PEAK3: variants seen among roughly 807,000 people sequenced by gnomAD.
PEAK3 encodes the protein PEAK family member 3.
PEAK3 carries 15 observed loss-of-function variants against 13.3 expected under a neutral mutation model. The observed-to-expected ratio is 1.13, with a 90% CI of 0.75 to 1.73. The LOEUF is 1.73. Ranked by LOEUF, PEAK3 falls within the 40% of genes most tolerant of loss-of-function variation. PEAK3 has a pLI of 0.00. For missense variants in PEAK3, 739 were observed against 690.2 expected (o/e 1.07, Z -0.79); for synonymous variants, 347 against 341.9 (o/e 1.01, Z -0.17).
chr19:2,280,769 C>G (rs1281134218), intron 2 of PEAK3, 81 bp downstream of exon 2: 2 of 1,008,756 alleles, frequency 2.0e-6, no homozygotes, highest in Admixed American at 3.0e-5. Flanking sequence ...CTGCCGCTCC[C>G]TGCACCCACC....
Position 2,279,040 on chromosome 19 carries a change from T to C in PEAK3, c.156A>G (p.Pro52=). The C allele has an allele frequency of 6.6e-7, 1 of 1,507,534 alleles. No individual in the cohort carries two copies. Among genetic ancestry groups the C allele is most frequent in the African/African-American group, 1.4e-5 (1 of 71,908 alleles). The allele number at this position is 1,507,534 out of a possible 1,614,324, so 93.4% of individuals were successfully genotyped here. The change falls in exon 3 of 4, where the codon CCA becomes CCG. Residue 52 remains proline (P), a synonymous_variant. Coordinates refer to ENST00000342063, the MANE Select transcript of PEAK3 (RefSeq NM_198532.3). ...LRTPGSLSTN[P]EPLPPPLPKK... ...TGGGCAGGGGTGGGGGCAGGGGCTC[T>C]GGGTTGGTGGAGAGGGACCCAGGGG...
At position 2,278,985 on chromosome 19, in the gene PEAK3, G is replaced by T. The variant is rs1263554936; in HGVS notation, c.211C>A (p.Pro71Thr). The change falls in exon 3 of 4, where the codon CCC becomes ACC. Residue 71 changes from proline (P) to threonine (T), a missense_variant. Transcript: ENST00000342063. ...CTGGGATGGAGGGTCCTGCGGGTGG[G>T]CAGTGACTGGGTCCGGGTTAGGATC... Reference protein sequence around the residue: ...KKILTRTQSLPTRRTLHPSSI... With the variant: ...KKILTRTQSLTTRRTLHPSSI... 6.3e-7 allele frequency: 1 copy of T among 1,591,666 alleles called. No homozygotes were observed. Among genetic ancestry groups the T allele is most frequent in the East Asian group, 2.3e-5 (1 of 44,210 alleles).
chr19:2,280,811 G>C, intron 2 of PEAK3, 39 bp downstream of exon 2: 1 of 1,537,356 alleles, frequency 6.5e-7, no homozygotes, highest in Non-Finnish European at 8.9e-7. Flanking sequence ...GCCGCTCCCT[G>C]CACCCCCGCA....
At chr19:2,277,051 C>T (rs992761862) in intron 3 of PEAK3, among the ~76,000 whole-genome samples, 49 of 152,098 alleles carry the variant, frequency 3.2e-4, no homozygotes, top group African/African-American at 1.2e-3. Context: ...AAGCAGATCC[C>T]CGGCCAGAGA....
intron 3 of PEAK3, among the ~76,000 whole-genome samples, chr19:2,276,820 C>T (rs2025394922): frequency 6.6e-6 from 1 of 152,232 alleles, no homozygotes; most frequent in Admixed American, 6.5e-5. Flanking sequence ...TCGAGACCAG[C>T]CTGGCCAACG....
chr19:2,280,720 C>G (rs1386355910), intron 2 of PEAK3, 130 bp downstream of exon 2: 1 of 702,820 alleles, frequency 1.4e-6, no homozygotes, highest in Non-Finnish European at 2.4e-6. Flanking sequence ...ATTTTACCAG[C>G]TGCTGCTGTT....
chr19:2,275,737 G>A lies in PEAK3; in HGVS notation c.1365C>T (p.Tyr455=). Reference sequence around the variant, plus strand: ...TCGAGGACTCGGTGGCCTCGGCCAGGTATTCGCAACACAGCCAGTCCTCGA... The same window carrying A: ...TCGAGGACTCGGTGGCCTCGGCCAGATATTCGCAACACAGCCAGTCCTCGA... ...PSLEDWLCCE[Y]LAEATESSMG... The change falls in exon 4 of 4, where the codon TAC becomes TAT. Residue 455 remains tyrosine (Y), a synonymous_variant. Coordinates refer to ENST00000342063, the MANE Select transcript of PEAK3 (RefSeq NM_198532.3). 6.4e-7 allele frequency: 1 copy of A among 1,569,146 alleles called. No individual in the cohort carries two copies. The highest frequency in any genetic ancestry group is 8.6e-7 in the Non-Finnish European group (1 of 1,159,722).
At position 2,276,235 on chromosome 19, in the gene PEAK3, G is replaced by A. The variant is rs1316936654; in HGVS notation, c.867C>T (p.Ser289=). Residue 289 remains serine (S), a synonymous_variant, in exon 4 of 4, where the codon AGC becomes AGT. Coordinates refer to ENST00000342063, the MANE Select transcript of PEAK3 (RefSeq NM_198532.3). ...ACGCCTCCAGGAACTTCAGGGCCGC[G>A]CTCAGCTGCAGCAGCAGCAGGGCCA... The part of the protein sequence containing the change: ...WAVALLLLQL[S]AALKFLEAWG... 2.5e-6 allele frequency: 4 copies of A among 1,583,446 alleles called. No homozygotes were observed. Among genetic ancestry groups the A allele is most frequent in the East Asian group, 4.7e-5 (2 of 42,810 alleles).
intron 2 of PEAK3, among the ~76,000 whole-genome samples, chr19:2,279,558 A>G (rs916559619): frequency 2.0e-5 from 3 of 151,536 alleles, no homozygotes; most frequent in Admixed American, 2.0e-4. Flanking sequence ...CGGGAGGCTG[A>G]GGCAGGAAAA....
Position 2,280,863 on chromosome 19 carries a change from C to T in PEAK3, c.69G>A (p.Thr23=), listed in dbSNP as rs781519940. 8 of 1,607,180 alleles carry T rather than the reference C, an allele frequency of 5.0e-6. No homozygotes were observed. The highest frequency in any genetic ancestry group is 2.2e-5 in the South Asian group (2 of 90,626). ...PDNPTWSTQP[T]YSNLGQIRAH... is the part of the protein sequence containing the mutation. ...GGAGCTGCTTACCAAGGTTGCTATACGTGGGCTGAGTCGACCAGGTGGGGT... is the reference window on the plus strand; with the variant it reads ...GGAGCTGCTTACCAAGGTTGCTATATGTGGGCTGAGTCGACCAGGTGGGGT... The change falls in exon 2 of 4, where the codon ACG becomes ACA. Residue 23 remains threonine (T), a synonymous_variant. Coordinates refer to ENST00000342063, the MANE Select transcript of PEAK3 (RefSeq NM_198532.3).
At position 2,275,998 on chromosome 19, in the gene PEAK3, C is replaced by T. The variant is rs550157929; in HGVS notation, c.1104G>A (p.Thr368=). The T allele has an allele frequency of 3.9e-4, 554 of 1,414,044 alleles. 7 individuals are homozygous for T. In the South Asian group the frequency reaches 7.0e-3, roughly 18 times the overall value. 87.6% of individuals were successfully genotyped at this position (1,414,044 alleles called of 1,614,324 possible). The change falls in exon 4 of 4, where the codon ACG becomes ACA. Residue 368 remains threonine (T), a synonymous_variant. Coordinates refer to ENST00000342063, the MANE Select transcript of PEAK3 (RefSeq NM_198532.3). ...ALLSLAAPST[T]PLAAGLELLA... is the part of the protein sequence containing the mutation. Reference sequence around the variant, plus strand: ...GGAGCTCCAGGCCCGCGGCCAAAGGCGTGGTCGAGGGCGCAGCAAGGCTGA... The same window carrying T: ...GGAGCTCCAGGCCCGCGGCCAAAGGTGTGGTCGAGGGCGCAGCAAGGCTGA...
In PEAK3 at chr19:2,280,916, G is replaced by T. The variant is rs2025433560; in HGVS notation, c.16C>A (p.Pro6Thr). MSSPEPPTEPPEPDNP... is the reference protein window; with the variant it reads MSSPETPTEPPEPDNP... ...TCGGGCTCGGGGGGCTCTGTGGGGG[G>T]CTCCGGGCTGCTCATGTTGCTGGGG... The change falls in exon 2 of 4, where the codon CCC becomes ACC. Residue 6 changes from proline to threonine, a missense_variant. Transcript: ENST00000342063. The T allele has an allele frequency of 3.2e-6, 5 of 1,566,274 alleles. No individual in the cohort carries two copies. Among genetic ancestry groups the T allele is most frequent in the Non-Finnish European group, 3.5e-6 (4 of 1,156,850 alleles).
chr19:2,275,658 G>A lies in PEAK3; in HGVS notation c.*22C>T, dbSNP rs561440937. 1.1e-5 allele frequency: 15 copies of A among 1,426,322 alleles called. No individual in the cohort carries two copies. The Admixed American group carries it at 3.3e-4, about 32-fold the overall frequency. The allele number at this position is 1,426,322 out of a possible 1,614,324, so 88.4% of individuals were successfully genotyped here. A position where few individuals can be genotyped will look rare whatever the true frequency, so the allele number is the denominator to read the frequency against. On this transcript the variant is annotated 3_prime_UTR_variant, in exon 4 of 4. Transcript: ENST00000342063. ...TGCCTCCTGGGCAGGCCTGGACCAGGTGTGTTCGCCCTGGGTTGGGGTCAG... is the reference window on the plus strand; with the variant it reads ...TGCCTCCTGGGCAGGCCTGGACCAGATGTGTTCGCCCTGGGTTGGGGTCAG...
At position 2,277,928 on chromosome 19, in the gene PEAK3, T is replaced by A. The variant is rs1237578001; in HGVS notation, c.612+656A>T. On this transcript the variant is annotated intron_variant, in intron 3 of 3. Transcript: ENST00000342063. ...GCCCAGGCTGGAGCGCAGTGGTGCGTTCTCGGCTCACCGCAAGCTCTGCCC... is the reference window on the plus strand; with the variant it reads ...GCCCAGGCTGGAGCGCAGTGGTGCGATCTCGGCTCACCGCAAGCTCTGCCC... Among the ~76,000 whole-genome samples, 6 of 149,780 alleles carry A rather than the reference T, an allele frequency of 4.0e-5. No individual in the cohort carries two copies. The South Asian group carries it at 1.3e-3, about 32-fold the overall frequency.
chr19:2,278,851 G>A lies in PEAK3; in HGVS notation c.345C>T (p.Gly115=), dbSNP rs145265993. The part of the protein sequence containing the change: ...PACLPAELTF[G]PADAPLGLSL... ...AGAGGCCCAGTGGGGCGTCAGCCGG[G>A]CCAAAGGTCAGCTCTGCAGGGAGAC... The change falls in exon 3 of 4, where the codon GGC becomes GGT. Residue 115 remains glycine (G), a synonymous_variant. Coordinates refer to ENST00000342063, the MANE Select transcript of PEAK3 (RefSeq NM_198532.3). The A allele has an allele frequency of 1.7e-5, 27 of 1,597,480 alleles. No individual in the cohort carries two copies. The African/African-American group carries it at 2.4e-4, about 14-fold the overall frequency.
intron 3 of PEAK3, among the ~76,000 whole-genome samples, chr19:2,277,542 C>A (rs1465590164): frequency 6.6e-6 from 1 of 151,990 alleles, no homozygotes; most frequent in Non-Finnish European, 1.5e-5. Flanking sequence ...TTTTTCTTTT[C>A]TTTTCTTTTT....
intron 3 of PEAK3, among the ~76,000 whole-genome samples, 176 bp downstream of exon 3, chr19:2,278,408 G>A (rs1401381976): frequency 1.4e-5 from 2 of 141,578 alleles, no homozygotes; most frequent in South Asian, 4.3e-4. Flanking sequence ...TGATCCGCCC[G>A]CCTTGGCCTC....
Position 2,276,489 on chromosome 19 carries a change from C to A in PEAK3, c.613G>T (p.Val205Leu). The change falls in exon 4 of 4, where the codon GTG (valine) becomes TTG (leucine). Residue 205 changes from valine to leucine, a missense_variant and splice_region_variant. Coordinates refer to ENST00000342063, the MANE Select transcript of PEAK3 (RefSeq NM_198532.3). The part of the protein sequence containing the change: ...EDAWHILVAK[V>L]PKPGADVPHP... ...GGCACGTCCGCCCCGGGCTTGGGCA[C>A]CTGCAAGGCAGAGGGGGTGTCGGGG... is the stretch of plus-strand genomic sequence containing the variant. The A allele has an allele frequency of 6.6e-7, 1 of 1,522,284 alleles. No individual in the cohort carries two copies. Among genetic ancestry groups the A allele is most frequent in the South Asian group, 1.2e-5 (1 of 80,210 alleles). 94.3% of individuals were successfully genotyped at this position (1,522,284 alleles called of 1,614,324 possible). A position where few individuals can be genotyped will look rare whatever the true frequency, so the allele number is the denominator to read the frequency against.
rs1429272344 is a variant in PEAK3 at position 2,278,805 on chromosome 19, GGCTGTGCA to G, written c.383_390del (p.Leu128ProfsTer109). On this transcript the variant is annotated frameshift_variant, in exon 3 of 4. Transcript: ENST00000342063. LOFTEE classifies it high-confidence loss of function. ...GCCAGTGCAGTGTGCACAGCCTCCG[GGCTGTGCA>G]GATCGCGGAGGGAGAGGCCCAGTGG... 7 of 1,591,682 alleles carry G rather than the reference GGCTGTGCA, an allele frequency of 4.4e-6. No individual in the cohort carries two copies. In the African/African-American group the frequency reaches 9.4e-5, roughly 21 times the overall value.
Sources: gnomAD v4.1 joint callset for allele counts (sites outside exome capture counted in the v4.1 genomes callset) on GRCh38, gnomAD v4.1.1 for gene constraint, MANE v1.5 for transcripts, NCBI Gene and HGNC (gene_info 2026-07-23, HGNC 2026-07-21) for gene names.